Variants in NF2 observed in about 807,000 individuals in gnomAD.
NF2 encodes the protein NF2, moesin-ezrin-radixin like (MERLIN) tumor suppressor.
A neutral mutation model predicts 83.7 loss-of-function variants in NF2; 8 were observed. The ratio of observed to expected loss-of-function variants is 0.10; its 90% CI spans 0.06 to 0.17. NF2 has a LOEUF of 0.17. Among genes scored for constraint, NF2 ranks in the 10% least tolerant of loss-of-function variants. The probability of loss-of-function intolerance (pLI) is 1.00; values close to 1 mark genes in which losing one functional copy is unlikely to be tolerated. For missense variants in NF2, 533 were observed against 744.4 expected (o/e 0.72, Z 3.31); for synonymous variants, 266 against 269.6 (o/e 0.99, Z 0.13).
intron 1 of NF2, among the ~76,000 whole-genome samples, chr22:29,630,749 G>A (rs948745111): frequency 6.6e-6 from 1 of 152,208 alleles, no homozygotes; most frequent in Admixed American, 6.5e-5. Context: ...CTGAGATGAG[G>A]CAGGGAACCG....
chr22:29,653,367 C>G (rs1464076738), intron 4 of NF2, among the ~76,000 whole-genome samples: 1 of 150,162 alleles, frequency 6.7e-6, no homozygotes, highest in Admixed American at 6.7e-5. Flanking sequence ...TTGCTTGAAC[C>G]TGGGAGGTGG....
At chr22:29,667,548 C>A (rs999863655) in intron 9 of NF2, among the ~76,000 whole-genome samples, 1 of 151,878 alleles carries the variant, frequency 6.6e-6, no homozygotes, top group African/African-American at 2.4e-5. Context: ...CCAGGTCTGG[C>A]CAAATGTTTT....
chr22:29,608,530 A>C (rs1381941439), intron 1 of NF2, among the ~76,000 whole-genome samples: 1 of 151,390 alleles, frequency 6.6e-6, no homozygotes, highest in Non-Finnish European at 1.5e-5. Context: ...TTAGTTGGGC[A>C]TGATGGCGGG....
intron 1 of NF2, among the ~76,000 whole-genome samples, chr22:29,630,224 T>C (rs1256836216): frequency 6.6e-6 from 1 of 152,214 alleles, no homozygotes; most frequent in East Asian, 1.9e-4. Context: ...TCCTGCAGGT[T>C]ATTGGTGCTG....
At chr22:29,635,608 G>A (rs911361090) in intron 1 of NF2, among the ~76,000 whole-genome samples, 3 of 152,168 alleles carry the variant, frequency 2.0e-5, no homozygotes, top group African/African-American at 7.2e-5. Context: ...GATTACAGGT[G>A]TGAACCACCA....
chr22:29,685,006 C>T (rs1349955074), intron 15 of NF2, among the ~76,000 whole-genome samples: 1 of 150,372 alleles, frequency 6.7e-6, no homozygotes, highest in Non-Finnish European at 1.5e-5. Context: ...ATGTCAAGGG[C>T]AGAACTCCAT....
At position 29,681,613 on chromosome 22, in the gene NF2, C is replaced by T. The variant is rs1556003806; in HGVS notation, c.1737+12C>T. The T allele has an allele frequency of 8.1e-6, 13 of 1,613,630 alleles. No individual in the cohort carries two copies. In the South Asian group the frequency reaches 1.4e-4, roughly 18 times the overall value. On this transcript the variant is annotated intron_variant, in intron 15 of 15. Transcript: ENST00000338641. The stretch of plus-strand genomic sequence containing the variant: ...ATACCATTAAAAAGGTACCCAGGGT[C>T]TCTTTCTTGTATTTTGCTGATCAGG...
intron 4 of NF2, among the ~76,000 whole-genome samples, chr22:29,654,382 G>A (rs1464006858): frequency 3.3e-5 from 5 of 152,140 alleles, no homozygotes; most frequent in Non-Finnish European, 7.4e-5. Context: ...TTCTTTGAGG[G>A]TTAGAAAACA....
At chr22:29,618,768 G>C (rs1266408263) in intron 1 of NF2, among the ~76,000 whole-genome samples, 1 of 152,198 alleles carries the variant, frequency 6.6e-6, no homozygotes, top group Non-Finnish European at 1.5e-5. Flanking sequence ...ACATACCTAA[G>C]TGAGATTATG....
chr22:29,612,353 C>G (rs1417021808), intron 1 of NF2, among the ~76,000 whole-genome samples: 1 of 151,276 alleles, frequency 6.6e-6, no homozygotes, highest in Non-Finnish European at 1.5e-5. Flanking sequence ...TTTTCTCGGA[C>G]TTGCACTGAA....
At chr22:29,667,304 C>T (rs953372307) in intron 9 of NF2, among the ~76,000 whole-genome samples, 9 of 152,002 alleles carry the variant, frequency 5.9e-5, no homozygotes, top group African/African-American at 2.2e-4. Context: ...ATGACACGAT[C>T]ATGTCTCACT....
chr22:29,643,499 A>C (rs949982874), intron 4 of NF2, among the ~76,000 whole-genome samples: 3 of 152,106 alleles, frequency 2.0e-5, no homozygotes, highest in African/African-American at 7.2e-5. Context: ...ACTCTTAATG[A>C]GCATGCTGCC....
chr22:29,680,181 G>A (rs1407702416), intron 14 of NF2, among the ~76,000 whole-genome samples: 3 of 151,336 alleles, frequency 2.0e-5, no homozygotes, highest in Non-Finnish European at 2.9e-5. Flanking sequence ...GTGCGATCTC[G>A]GCTCACTGTA....
At chr22:29,678,390 A>G in intron 14 of NF2, 67 bp downstream of exon 14, 1 of 1,598,238 alleles carries the variant, frequency 6.3e-7, no homozygotes, top group Non-Finnish European at 8.6e-7. Flanking sequence ...GGCCTTGGGA[A>G]GCTGGGGCAG....
chr22:29,665,997 A>T (rs771701434), intron 9 of NF2, among the ~76,000 whole-genome samples: 1 of 151,988 alleles, frequency 6.6e-6, no homozygotes, highest in Non-Finnish European at 1.5e-5. Flanking sequence ...GCTGTCAAGT[A>T]TATATATTCT....
chr22:29,685,296 T>C (rs1321603651), intron 15 of NF2, among the ~76,000 whole-genome samples: 1 of 151,806 alleles, frequency 6.6e-6, no homozygotes, highest in Non-Finnish European at 1.5e-5. Context: ...TTTATAGAGA[T>C]GGGGTTTCGC....
rs985674590 is a variant in NF2 at position 29,695,645 on chromosome 22, G to A, written c.*843G>A. On this transcript the variant is annotated 3_prime_UTR_variant, in exon 16 of 16. Transcript: ENST00000338641. The surrounding 1 kb of genome is among the most constrained non-coding windows in gnomAD (Gnocchi z 5.4). The stretch of plus-strand genomic sequence containing the variant: ...TGTGGGGCTGGGGTACTCCCTGGTC[G>A]TACTGCAGTCAGCACCCGTAACCCG... The A allele has an allele frequency of 3.0e-5, 7 of 233,712 alleles. No homozygotes were observed. The highest frequency in any genetic ancestry group is 6.6e-5 in the African/African-American group (3 of 45,322). 14.5% of individuals were successfully genotyped at this position (233,712 alleles called of 1,614,324 possible).
At chr22:29,658,603 C>G (rs1024593306) in intron 7 of NF2, among the ~76,000 whole-genome samples, 22 of 151,600 alleles carry the variant, frequency 1.5e-4, no homozygotes, top group African/African-American at 4.6e-4. Flanking sequence ...ACTTCTCCCC[C>G]CAACACACAC....
intron 7 of NF2, among the ~76,000 whole-genome samples, chr22:29,659,011 A>G (rs1431347938): frequency 3.9e-5 from 6 of 152,192 alleles, no homozygotes; most frequent in Non-Finnish European, 7.3e-5. Flanking sequence ...CAGTTGTTGT[A>G]TTAAATTCAG....
Sources: gnomAD v4.1 joint callset for allele counts (sites outside exome capture counted in the v4.1 genomes callset) on GRCh38, gnomAD v4.1.1 for gene constraint, Gnocchi (gnomAD v3.1) non-coding constraint, MANE v1.5 for transcripts, NCBI Gene and HGNC (gene_info 2026-07-23, HGNC 2026-07-21) for gene names.